SNX29: variants seen among roughly 807,000 people sequenced by gnomAD.
SNX29 encodes the protein sorting nexin 29, also known as sorting nexin-29.
In SNX29, 78 loss-of-function variants were observed where a neutral mutation model predicts 102.1. That is an observed-to-expected ratio of 0.76 (90% CI 0.64 to 0.92). The LOEUF is 0.92. Ranked by LOEUF, SNX29 falls within the 40% of genes least tolerant of loss-of-function variation. The pLI is 0.00. For missense variants in SNX29, 1,280 were observed against 1,061.7 expected (o/e 1.21, Z -2.86); for synonymous variants, 580 against 414.5 (o/e 1.40, Z -4.85).
At chr16:12,476,833 C>G (rs1182249978) in intron 18 of SNX29, among the ~76,000 whole-genome samples, 2 of 152,120 alleles carry the variant, frequency 1.3e-5, no homozygotes, top group Non-Finnish European at 2.9e-5. Context: ...CACGTAGGAA[C>G]AGAATTTATC....
intron 20 of SNX29, among the ~76,000 whole-genome samples, chr16:12,558,856 C>T (rs543116321): frequency 4.6e-5 from 7 of 152,242 alleles, no homozygotes; most frequent in Non-Finnish European, 8.8e-5. Flanking sequence ...AAGAGGGCCA[C>T]AGGCAGCCCA....
chr16:12,161,988 C>A (rs1026593632), intron 13 of SNX29, among the ~76,000 whole-genome samples: 2 of 152,174 alleles, frequency 1.3e-5, no homozygotes, highest in Non-Finnish European at 2.9e-5. Flanking sequence ...CCACAATTGT[C>A]GGCCCCCGAA....
chr16:12,492,632 T>A (rs1369279590), intron 19 of SNX29, among the ~76,000 whole-genome samples: 4 of 152,352 alleles, frequency 2.6e-5, no homozygotes, highest in African/African-American at 9.6e-5. Flanking sequence ...TGGTAATGGC[T>A]AGGTTTTCTT....
At chr16:12,531,430 A>G (rs556937391) in intron 20 of SNX29, among the ~76,000 whole-genome samples, 137 of 152,286 alleles carry the variant, frequency 9.0e-4, no homozygotes, top group African/African-American at 3.2e-3. Context: ...GAAGGCAGGG[A>G]GGGCCTGACC....
intron 16 of SNX29, among the ~76,000 whole-genome samples, chr16:12,378,950 C>T (rs1200403570): frequency 6.6e-6 from 1 of 152,062 alleles, no homozygotes; most frequent in Non-Finnish European, 1.5e-5. Context: ...GTTAATTGAC[C>T]CATCCTGAAC....
chr16:12,002,944 G>A, intron 2 of SNX29, 47 bp from the exon 3 acceptor site: 1 of 1,612,324 alleles, frequency 6.2e-7, no homozygotes, highest in South Asian at 1.1e-5. Context: ...GACGTTTTGA[G>A]TGTCCCATCC....
At chr16:12,229,304 T>A (rs575213926) in intron 14 of SNX29, among the ~76,000 whole-genome samples, 1 of 152,306 alleles carries the variant, frequency 6.6e-6, no homozygotes, top group Non-Finnish European at 1.5e-5. Context: ...GTAAATATGA[T>A]TTGGATGTGT....
intron 18 of SNX29, among the ~76,000 whole-genome samples, chr16:12,459,104 TCA>T (rs2086662965): frequency 9.7e-6 from 1 of 103,310 alleles, no homozygotes; most frequent in South Asian, 4.5e-4. Context: ...TCCCACCGTT[TCA>T]CTCTCCCCTC....
chr16:12,543,220 C>T (rs1460753044), intron 20 of SNX29, among the ~76,000 whole-genome samples: 1 of 152,188 alleles, frequency 6.6e-6, no homozygotes, highest in Non-Finnish European at 1.5e-5. Context: ...CTCCTGATAG[C>T]TGTAGCGGAA....
chr16:12,372,131 G>A (rs984275208), intron 16 of SNX29, among the ~76,000 whole-genome samples: 1 of 152,148 alleles, frequency 6.6e-6, no homozygotes, highest in Non-Finnish European at 1.5e-5. Context: ...CATATAGGCA[G>A]GCATATATAT....
chr16:12,459,038 C>A, intron 18 of SNX29, among the ~76,000 whole-genome samples: 2 of 130,070 alleles, frequency 1.5e-5, no homozygotes, highest in Admixed American at 1.6e-4. Context: ...TCCTCCTCCG[C>A]CCCCTCCTGC....
chr16:12,554,712 GCTGT>G (rs2078214686), intron 20 of SNX29, among the ~76,000 whole-genome samples: 1 of 152,160 alleles, frequency 6.6e-6, no homozygotes, highest in Non-Finnish European at 1.5e-5. Flanking sequence ...CCTGGTGACA[GCTGT>G]CTTTCAGTCT....
chr16:12,238,919 A>G (rs1219076034), intron 14 of SNX29, among the ~76,000 whole-genome samples: 2 of 152,098 alleles, frequency 1.3e-5, no homozygotes, highest in Non-Finnish European at 2.9e-5. Flanking sequence ...ATGCCTGTTG[A>G]AGCTCTAGCC....
chr16:12,276,748 A>G (rs2079264209), intron 14 of SNX29, among the ~76,000 whole-genome samples: 1 of 151,944 alleles, frequency 6.6e-6, no homozygotes, highest in African/African-American at 2.4e-5. Flanking sequence ...CTTTTCTTGG[A>G]ACTATCTGGT....
At chr16:12,416,795 A>G (rs952366600) in intron 18 of SNX29, among the ~76,000 whole-genome samples, 1 of 152,162 alleles carries the variant, frequency 6.6e-6, no homozygotes, top group East Asian at 1.9e-4. Context: ...GGACTAACAG[A>G]ACAAGAAGTC....
intron 10 of SNX29, among the ~76,000 whole-genome samples, chr16:12,075,215 G>A (rs1448420945): frequency 1.3e-5 from 2 of 152,210 alleles, no homozygotes; most frequent in Non-Finnish European, 2.9e-5. Flanking sequence ...GAGGAACCGT[G>A]TTCCTTTGGA....
At chr16:12,126,530 A>C (rs1026303230) in intron 11 of SNX29, 103 bp from the exon 12 acceptor site, 1 of 1,209,182 alleles carries the variant, frequency 8.3e-7, no homozygotes, top group African/African-American at 1.5e-5. Context: ...AAGGGAACTT[A>C]TCTAGACAAG....
chr16:12,524,038 A>G (rs1273062049), intron 19 of SNX29, among the ~76,000 whole-genome samples: 5 of 152,204 alleles, frequency 3.3e-5, no homozygotes, highest in African/African-American at 7.2e-5. Flanking sequence ...ACGTGCCACT[A>G]CGCCTGGCTA....
At chr16:12,400,435 G>C (rs907603614) in intron 17 of SNX29, among the ~76,000 whole-genome samples, 5 of 152,214 alleles carry the variant, frequency 3.3e-5, no homozygotes, top group Admixed American at 3.3e-4. Flanking sequence ...CCTCACGGAT[G>C]ATGAAATTGA....
Sources: allele counts gnomAD v4.1 joint callset (sites outside exome capture counted in the v4.1 genomes callset), GRCh38; gene constraint gnomAD v4.1.1; transcripts MANE v1.5; gene names NCBI Gene and HGNC (gene_info 2026-07-23, HGNC 2026-07-21).